The following GUCY1A2 variants were observed in gnomAD, a reference collection of about 807,000 sequenced individuals.
GUCY1A2 encodes the protein guanylate cyclase soluble subunit alpha-2.
GUCY1A2 carries 27 observed loss-of-function variants against 63.5 expected under a neutral mutation model. The observed-to-expected ratio is 0.43, with a 90% confidence interval of 0.31 to 0.59. GUCY1A2 has a LOEUF of 0.59. GUCY1A2 is among the 20% of genes least tolerant of loss of function. GUCY1A2 has a pLI of 0.11. For missense variants in GUCY1A2, 768 were observed against 913.3 expected, an observed-to-expected ratio of 0.84 and a Z score of 2.05; for synonymous variants, 364 against 343.5, an observed-to-expected ratio of 1.06 and a Z score of -0.66.
chr11:106,747,428 T>A (rs1373583991), intron 6 of GUCY1A2, among the ~76,000 whole-genome samples: 1 of 152,222 alleles, frequency 6.6e-6, no homozygotes, highest in Non-Finnish European at 1.5e-5. Context: ...AGACACCAAT[T>A]GACTTGACAA....
intron 6 of GUCY1A2, among the ~76,000 whole-genome samples, chr11:106,723,733 G>A (rs1052383807): frequency 3.3e-5 from 5 of 152,144 alleles, no homozygotes; most frequent in Admixed American, 1.3e-4. Flanking sequence ...TGAGGCAGGA[G>A]AATCACTTGA....
intron 6 of GUCY1A2, among the ~76,000 whole-genome samples, chr11:106,721,384 A>G (rs935728807): frequency 6.6e-6 from 1 of 152,180 alleles, no homozygotes; most frequent in South Asian, 2.1e-4. Context: ...ATTGTTAAAA[A>G]TGTTTCTTAT....
intron 1 of GUCY1A2, among the ~76,000 whole-genome samples, chr11:107,011,341 G>C (rs12289228): frequency 0.056 from 8,416 of 151,306 alleles, 697 homozygotes; most frequent in African/African-American, 0.19. Context: ...ATTTTACTTA[G>C]AGCTCTGTAT....
chr11:106,884,379 T>A (rs1206817716), intron 4 of GUCY1A2, among the ~76,000 whole-genome samples: 3 of 152,066 alleles, frequency 2.0e-5, no homozygotes, highest in African/African-American at 7.2e-5. Context: ...ATTAGAAGAA[T>A]AGAAGTTAAC....
At chr11:106,708,731 G>T in intron 6 of GUCY1A2, 65 bp from the exon 7 acceptor site, 1 of 981,222 alleles carries the variant, frequency 1.0e-6, no homozygotes, top group Non-Finnish European at 1.5e-6. Context: ...TTATTTTAAT[G>T]AAAGGCACTG....
At chr11:106,994,874 T>C (rs1861515228) in intron 1 of GUCY1A2, among the ~76,000 whole-genome samples, 1 of 152,238 alleles carries the variant, frequency 6.6e-6, no homozygotes, top group African/African-American at 2.4e-5. Context: ...CCCAAAATTG[T>C]AAACAGTGTC....
intron 3 of GUCY1A2, among the ~76,000 whole-genome samples, chr11:106,964,958 C>T (rs892514298): frequency 9.9e-5 from 15 of 151,904 alleles, no homozygotes; most frequent in East Asian, 5.8e-4. Context: ...GTAGCCTGGG[C>T]GACAGAGCAA....
At chr11:107,017,113 AAAAG>A (rs1236247864) in intron 1 of GUCY1A2, among the ~76,000 whole-genome samples, 1 of 152,218 alleles carries the variant, frequency 6.6e-6, no homozygotes, top group African/African-American at 2.4e-5. Context: ...ATAAGAAAGA[AAAAG>A]AAAAAAAGCT....
intron 6 of GUCY1A2, among the ~76,000 whole-genome samples, chr11:106,733,726 GA>G (rs1863541858): frequency 1.3e-5 from 2 of 151,970 alleles, no homozygotes; most frequent in Admixed American, 1.3e-4. Flanking sequence ...AACTAATTTG[GA>G]AAGGAGGAGG....
At chr11:106,695,779 A>G (rs1006965799) in intron 7 of GUCY1A2, among the ~76,000 whole-genome samples, 7 of 152,192 alleles carry the variant, frequency 4.6e-5, no homozygotes, top group African/African-American at 1.7e-4. Context: ...GCTCATGATG[A>G]AATAAAACAG....
At chr11:106,856,181 T>C (rs958843040) in intron 4 of GUCY1A2, among the ~76,000 whole-genome samples, 3 of 151,892 alleles carry the variant, frequency 2.0e-5, no homozygotes, top group Non-Finnish European at 4.4e-5. Flanking sequence ...TCCCAGCTAC[T>C]TGGGAGCCTG....
At chr11:106,844,461 G>A (rs746912208) in intron 4 of GUCY1A2, among the ~76,000 whole-genome samples, 6 of 151,574 alleles carry the variant, frequency 4.0e-5, no homozygotes, top group Non-Finnish European at 3.0e-5. Context: ...GCTCTTCTCC[G>A]TGGATATCAA....
At chr11:106,765,428 G>C (rs1369450096) in intron 6 of GUCY1A2, among the ~76,000 whole-genome samples, 1 of 152,062 alleles carries the variant, frequency 6.6e-6, no homozygotes, top group East Asian at 1.9e-4. Context: ...CTAGTTGTTG[G>C]TTCCATAGGC....
At chr11:106,850,928 A>G (rs1443570456) in intron 4 of GUCY1A2, among the ~76,000 whole-genome samples, 2 of 152,004 alleles carry the variant, frequency 1.3e-5, no homozygotes, top group Non-Finnish European at 2.9e-5. Context: ...GATGTTTTCC[A>G]TAATGGCTGT....
At chr11:106,766,782 T>C (rs1366180514) in intron 6 of GUCY1A2, among the ~76,000 whole-genome samples, 2 of 152,056 alleles carry the variant, frequency 1.3e-5, no homozygotes, top group Non-Finnish European at 2.9e-5. Flanking sequence ...TTGGCCTATA[T>C]GCATATAGGC....
intron 3 of GUCY1A2, among the ~76,000 whole-genome samples, chr11:106,957,651 T>C (rs1861004807): frequency 6.6e-6 from 1 of 152,088 alleles, no homozygotes; most frequent in African/African-American, 2.4e-5. Flanking sequence ...AATACCTTGG[T>C]TGCTGATGAA....
intron 1 of GUCY1A2, among the ~76,000 whole-genome samples, chr11:107,014,983 C>G (rs1490221782): frequency 6.6e-6 from 1 of 152,162 alleles, no homozygotes; most frequent in Non-Finnish European, 1.5e-5. Flanking sequence ...AAAGAAGTTT[C>G]AAATCCTGAC....
chr11:106,684,692 T>G lies in GUCY1A2; in HGVS notation c.*2857A>C. On this transcript the variant is annotated 3_prime_UTR_variant, in exon 8 of 8. Coordinates refer to ENST00000526355, the MANE Select transcript of GUCY1A2 (RefSeq NM_000855.3). ...AAATGCAAGAGCTATAGGTGCCAAA[T>G]TATATTTTAAAGTATCCCTTGCAGA... 1 of 203,578 alleles carries G rather than the reference T, an allele frequency of 4.9e-6. No homozygotes were observed. The highest frequency in any genetic ancestry group is 1.0e-5 in the Non-Finnish European group (1 of 99,198). 12.6% of individuals were successfully genotyped at this position (203,578 alleles called of 1,614,324 possible).
intron 2 of GUCY1A2, 24 bp from the exon 3 acceptor site, chr11:106,978,764 TA>T (rs1285611830): frequency 3.2e-6 from 5 of 1,576,314 alleles, no homozygotes; most frequent in Non-Finnish European, 4.3e-6. Flanking sequence ...AAAATTAGCA[TA>T]AGGAGAAATT....
Sources: allele counts gnomAD v4.1 joint callset (sites outside exome capture counted in the v4.1 genomes callset), GRCh38; gene constraint gnomAD v4.1.1; transcripts MANE v1.5; gene names NCBI Gene and HGNC (gene_info 2026-07-23, HGNC 2026-07-21).